Variants in CDHR3 observed in about 807,000 individuals in gnomAD.
CDHR3 encodes cadherin-related family member 3.
A neutral mutation model predicts 86.6 loss-of-function variants in CDHR3; 79 were observed. That is an observed-to-expected ratio of 0.91 (90% CI 0.76 to 1.10). The LOEUF (loss-of-function observed/expected upper bound fraction) is 1.10, where lower values mean the gene tolerates loss of function less well. Ranked by LOEUF, CDHR3 falls within the 50% of genes least tolerant of loss-of-function variation. The pLI, the probability that CDHR3 is intolerant of heterozygous loss-of-function variation, is 0.00. For missense variants in CDHR3, 1,081 were observed against 1,077.6 expected (o/e 1.00, Z -0.04); for synonymous variants, 421 against 402.4 (o/e 1.05, Z -0.55).
chr7:105,996,030 G>C (rs576720593), intron 5 of CDHR3, among the ~76,000 whole-genome samples: 3 of 152,158 alleles, frequency 2.0e-5, no homozygotes, highest in Non-Finnish European at 4.4e-5. Flanking sequence ...GGACAATGGT[G>C]GTGAATAGCC....
At chr7:106,029,980 T>A (rs955767924) in intron 17 of CDHR3, among the ~76,000 whole-genome samples, 1 of 152,220 alleles carries the variant, frequency 6.6e-6, no homozygotes, top group Non-Finnish European at 1.5e-5. Flanking sequence ...ATGAAGGCCA[T>A]ATAATCCCCA....
In CDHR3 at chr7:106,032,377, A is replaced by ATTTTTTTTT; in HGVS notation, c.2354-15_2354-7dup. ...ATTTTCTGGCTTATGTGATTGTTGT[A>ATTTTTTTTT]TTTTTTTTTCACTAGTGACCGGGGA... On this transcript the variant is annotated splice_polypyrimidine_tract_variant and intron_variant, in intron 18 of 18. Transcript: ENST00000317716. The ATTTTTTTTT allele has an allele frequency of 6.4e-7, 1 of 1,573,844 alleles. No individual in the cohort carries two copies. Among genetic ancestry groups the ATTTTTTTTT allele is most frequent in the Non-Finnish European group, 8.7e-7 (1 of 1,151,886 alleles).
rs772184680 is a variant in CDHR3 at position 106,022,326 on chromosome 7, G to C, written c.1954G>C (p.Val652Leu). Reference sequence around the variant, plus strand: ...CTGGGACTACAAGCTACTTGTCTACGTAACTGATGACAACTTGATGTCTGA... The same window carrying C: ...CTGGGACTACAAGCTACTTGTCTACCTAACTGATGACAACTTGATGTCTGA... ...KIWDYKLLVY[V>L]TDDNLMSDRK... The change falls in exon 14 of 19, where the codon GTA (valine) becomes CTA (leucine). Residue 652 changes from valine to leucine, a missense_variant. Val to Leu is a conservative substitution (Grantham distance 32). Coordinates refer to ENST00000317716, the MANE Select transcript of CDHR3 (RefSeq NM_152750.5). 12 of 1,614,002 alleles carry C rather than the reference G, an allele frequency of 7.4e-6. No individual in the cohort carries two copies. The highest frequency in any genetic ancestry group is 1.0e-5 in the Non-Finnish European group (12 of 1,179,896).
intron 4 of CDHR3, among the ~76,000 whole-genome samples, chr7:105,986,170 G>A (rs1286024214): frequency 6.6e-6 from 1 of 152,226 alleles, no homozygotes; most frequent in Non-Finnish European, 1.5e-5. Context: ...TCTCTTGGAA[G>A]CCCTACCCAG....
At chr7:105,980,607 A>ATTTTTTTTTTTTTTTTTTTTTTT (rs35517726) in intron 2 of CDHR3, among the ~76,000 whole-genome samples, 1 of 98,524 alleles carries the variant, frequency 1.0e-5, no homozygotes, top group African/African-American at 3.9e-5. Context: ...TTTTTTTTTA[A>ATTTTTTTTTTTTTTTTTTTTTTT]TTTTTTTTTT....
At chr7:106,026,834 G>A in intron 16 of CDHR3, 139 bp downstream of exon 16, 1 of 897,512 alleles carries the variant, frequency 1.1e-6, no homozygotes, top group East Asian at 2.6e-5. Flanking sequence ...GTGGCTGGAA[G>A]GAAGCGGAGG....
chr7:106,000,387 C>A (rs1832955348), intron 6 of CDHR3, among the ~76,000 whole-genome samples: 1 of 152,214 alleles, frequency 6.6e-6, no homozygotes, highest in Non-Finnish European at 1.5e-5. Flanking sequence ...TGATTCCCTG[C>A]CATTTCTCCT....
intron 17 of CDHR3, among the ~76,000 whole-genome samples, chr7:106,029,548 GTCTCTCTC>G (rs59823993): frequency 1.0e-4 from 15 of 147,176 alleles, no homozygotes; most frequent in East Asian, 8.0e-4. Flanking sequence ...CTCCACCTCT[GTCTCTCTC>G]TCTCTCTCTC....
At chr7:106,010,941 C>G (rs1834706116) in intron 8 of CDHR3, among the ~76,000 whole-genome samples, 1 of 152,226 alleles carries the variant, frequency 6.6e-6, no homozygotes, top group African/African-American at 2.4e-5. Context: ...CCAGTGTCAA[C>G]TGACATAGGA....
chr7:105,974,720 G>T, intron 1 of CDHR3, 124 bp from the exon 2 acceptor site: 1 of 704,794 alleles, frequency 1.4e-6, no homozygotes, highest in East Asian at 2.7e-5. Flanking sequence ...TTTGTTCTCG[G>T]GGAGTGACCA....
At position 106,032,797 on chromosome 7, in the gene CDHR3, G is replaced by A. The variant is rs1838582898; in HGVS notation, c.*100G>A. On this transcript the variant is annotated 3_prime_UTR_variant, in exon 19 of 19. Coordinates refer to ENST00000317716, the MANE Select transcript of CDHR3 (RefSeq NM_152750.5). Reference sequence around the variant, plus strand: ...TGGTGTAGGGGGGAAAATGTGGGCTGAGGGGATTCAGACATCCAGGGTCAA... The same window carrying A: ...TGGTGTAGGGGGGAAAATGTGGGCTAAGGGGATTCAGACATCCAGGGTCAA... 5 of 1,284,092 alleles carry A rather than the reference G, an allele frequency of 3.9e-6. No homozygotes were observed. Among genetic ancestry groups the A allele is most frequent in the Admixed American group, 2.8e-5 (1 of 36,132 alleles). 79.5% of individuals were successfully genotyped at this position (1,284,092 alleles called of 1,614,324 possible). A position where few individuals can be genotyped will look rare whatever the true frequency, so the allele number is the denominator to read the frequency against.
intron 13 of CDHR3, 117 bp downstream of exon 13, chr7:106,020,661 C>A (rs1024665235): frequency 5.0e-6 from 6 of 1,205,078 alleles, no homozygotes; most frequent in African/African-American, 1.5e-5. Context: ...GTTGGGAGGG[C>A]ATTATTTTTT....
intron 8 of CDHR3, among the ~76,000 whole-genome samples, chr7:106,007,344 G>C (rs987758914): frequency 2.6e-5 from 4 of 152,180 alleles, no homozygotes; most frequent in African/African-American, 9.7e-5. Flanking sequence ...CAGCTGTCTT[G>C]AATTTCTCCT....
chr7:105,994,923 A>AGCTGTGGGG, intron 5 of CDHR3, 78 bp downstream of exon 5: 1 of 1,175,760 alleles, frequency 8.5e-7, no homozygotes, highest in Non-Finnish European at 1.2e-6. Context: ...GTCACAGTGC[A>AGCTGTGGGG]ACCTGAGGGC....
intron 4 of CDHR3, among the ~76,000 whole-genome samples, chr7:105,990,254 G>A (rs558365511): frequency 6.6e-6 from 1 of 152,318 alleles, no homozygotes; most frequent in South Asian, 2.1e-4. Flanking sequence ...TTGTCATCGT[G>A]TCTCTTCTTA....
At chr7:105,980,620 T>TA (rs1829561401) in intron 2 of CDHR3, among the ~76,000 whole-genome samples, 1 of 63,078 alleles carries the variant, frequency 1.6e-5, no homozygotes, top group African/African-American at 6.5e-5. Context: ...TTTTTTTTTT[T>TA]TAATTTTTTT....
At chr7:106,014,314 C>T (rs1302808710) in intron 9 of CDHR3, among the ~76,000 whole-genome samples, 1 of 152,184 alleles carries the variant, frequency 6.6e-6, no homozygotes, top group Non-Finnish European at 1.5e-5. Flanking sequence ...ATGCTCGAAA[C>T]CACAGATAGT....
In CDHR3 at chr7:106,026,608, C is replaced by A. The variant is rs533107527; in HGVS notation, c.2259-74C>A. On this transcript the variant is annotated intron_variant, in intron 15 of 18. Transcript: ENST00000317716. ...TCAAAGGGCATAGTTGCCCAAAGAA[C>A]CCCATGGTGTCATGTGTGTGCCAGT... The A allele has an allele frequency of 1.5e-5, 23 of 1,517,610 alleles. No individual in the cohort carries two copies. In the East Asian group the frequency reaches 5.2e-4, roughly 34 times the overall value. The allele number at this position is 1,517,610 out of a possible 1,614,324, so 94.0% of individuals were successfully genotyped here. A position where few individuals can be genotyped will look rare whatever the true frequency, so the allele number is the denominator to read the frequency against.
intron 1 of CDHR3, among the ~76,000 whole-genome samples, chr7:105,973,744 A>C (rs1585507385): frequency 6.6e-6 from 1 of 152,164 alleles, no homozygotes; most frequent in Non-Finnish European, 1.5e-5. Flanking sequence ...AGGCAGGTGG[A>C]TCACTTGAGG....
Sources: gnomAD v4.1 joint callset for allele counts (sites outside exome capture counted in the v4.1 genomes callset) on GRCh38, gnomAD v4.1.1 for gene constraint, MANE v1.5 for transcripts, NCBI Gene and HGNC (gene_info 2026-07-23, HGNC 2026-07-21) for gene names.